ANKRD17: variants seen among roughly 807,000 people sequenced by gnomAD.
ANKRD17 encodes the protein ankyrin repeat domain-containing protein 17.
ANKRD17 carries 19 observed loss-of-function variants against 229.7 expected under a neutral mutation model. That is an observed-to-expected ratio of 0.08 (90% CI 0.06 to 0.12). ANKRD17 has a LOEUF of 0.12. ANKRD17 is among the 10% of genes least tolerant of loss of function. The pLI, the probability that ANKRD17 is intolerant of heterozygous loss-of-function variation, is 1.00. For missense variants in ANKRD17, 2,176 were observed against 3,176.8 expected (o/e 0.68, Z 7.57); for synonymous variants, 1,112 against 1,146.1 (o/e 0.97, Z 0.60).
intron 1 of ANKRD17, among the ~76,000 whole-genome samples, chr4:73,207,890 G>T (rs895839401): frequency 6.6e-6 from 1 of 151,970 alleles, no homozygotes; most frequent in African/African-American, 2.4e-5. Context: ...ATCAGTAAGG[G>T]TATTAAAAAA....
chr4:73,243,482 G>C (rs939086970), intron 1 of ANKRD17, among the ~76,000 whole-genome samples: 6 of 152,136 alleles, frequency 3.9e-5, no homozygotes, highest in African/African-American at 1.4e-4. Context: ...CTCCTACATA[G>C]GGTGGAGAAA....
chr4:73,212,797 C>T (rs1282941909), intron 1 of ANKRD17, among the ~76,000 whole-genome samples: 1 of 151,774 alleles, frequency 6.6e-6, no homozygotes, highest in Admixed American at 6.6e-5. Context: ...ACGGGGATCA[C>T]CTAAGATCAG....
At chr4:73,159,142 CTAAA>C (rs759504568) in intron 3 of ANKRD17, among the ~76,000 whole-genome samples, 1 of 152,188 alleles carries the variant, frequency 6.6e-6, no homozygotes, top group Non-Finnish European at 1.5e-5. Context: ...TCGACCAGTA[CTAAA>C]TAAATTTGTC....
At chr4:73,154,528 T>C (rs918720830) in intron 5 of ANKRD17, among the ~76,000 whole-genome samples, 1 of 152,150 alleles carries the variant, frequency 6.6e-6, no homozygotes, top group South Asian at 2.1e-4. Context: ...ATCATATACA[T>C]ACTTTATACT....
At chr4:73,224,513 G>A (rs536981090) in intron 1 of ANKRD17, among the ~76,000 whole-genome samples, 10 of 152,004 alleles carry the variant, frequency 6.6e-5, no homozygotes, top group African/African-American at 2.2e-4. Context: ...CCTACTACAC[G>A]GTTTCTGGTA....
At chr4:73,248,679 AATGT>A (rs1396936897) in intron 1 of ANKRD17, among the ~76,000 whole-genome samples, 1 of 152,064 alleles carries the variant, frequency 6.6e-6, no homozygotes, top group African/African-American at 2.4e-5. Context: ...GCTAAGTTTC[AATGT>A]ATGTAAGTTT....
At chr4:73,141,918 A>T in intron 13 of ANKRD17, 75 bp from the exon 14 acceptor site, 3 of 1,137,168 alleles carry the variant, frequency 2.6e-6, no homozygotes, top group Non-Finnish European at 3.7e-6. Flanking sequence ...ATAAAGAATA[A>T]ATTAGAGATT....
At chr4:73,171,869 T>G (rs1350914158) in intron 2 of ANKRD17, among the ~76,000 whole-genome samples, 1 of 151,734 alleles carries the variant, frequency 6.6e-6, no homozygotes, top group Non-Finnish European at 1.5e-5. Flanking sequence ...AATACACAGT[T>G]GAAGGAGACA....
At chr4:73,237,365 T>G (rs1743600362) in intron 1 of ANKRD17, among the ~76,000 whole-genome samples, 1 of 152,178 alleles carries the variant, frequency 6.6e-6, no homozygotes, top group Non-Finnish European at 1.5e-5. Context: ...CTAAAGTAGG[T>G]TAAGAACTCC....
intron 3 of ANKRD17, among the ~76,000 whole-genome samples, chr4:73,160,362 G>A (rs1732360564): frequency 6.6e-6 from 1 of 152,044 alleles, no homozygotes; most frequent in African/African-American, 2.4e-5. Flanking sequence ...GGGATTGCAG[G>A]CGTGCGCCAC....
intron 24 of ANKRD17, among the ~76,000 whole-genome samples, chr4:73,112,360 T>C (rs1725423956): frequency 6.6e-6 from 1 of 152,204 alleles, no homozygotes; most frequent in Admixed American, 6.5e-5. Context: ...CTGGCTCAAT[T>C]ATACTGCCTT....
chr4:73,170,949 T>C (rs1420111409), intron 2 of ANKRD17, among the ~76,000 whole-genome samples: 2 of 152,112 alleles, frequency 1.3e-5, no homozygotes, highest in African/African-American at 4.8e-5. Flanking sequence ...TAGGGGAACC[T>C]GCCATCCTGA....
intron 1 of ANKRD17, among the ~76,000 whole-genome samples, chr4:73,209,083 A>G (rs555150205): frequency 2.6e-5 from 4 of 151,960 alleles, no homozygotes; most frequent in Admixed American, 1.3e-4. Flanking sequence ...GTGCGTGCCT[A>G]TAATCCCAGC....
chr4:73,144,930 G>T, intron 10 of ANKRD17, 98 bp from the exon 11 acceptor site: 1 of 693,518 alleles, frequency 1.4e-6, no homozygotes, highest in Non-Finnish European at 2.2e-6. Flanking sequence ...ACTGATTTCT[G>T]AATCTAAATA....
chr4:73,243,259 A>G (rs539791315), intron 1 of ANKRD17, among the ~76,000 whole-genome samples: 46 of 152,360 alleles, frequency 3.0e-4, no homozygotes, highest in Non-Finnish European at 5.3e-4. Flanking sequence ...GAAATCAAAT[A>G]ACAATGACAT....
rs1723043119 is a variant in ANKRD17 at position 73,093,973 on chromosome 4, A to G, written c.5327+106T>C. On this transcript the variant is annotated intron_variant, in intron 28 of 33. Transcript: ENST00000358602. ...CACTAATAAAATTCCCATTTTAAAA[A>G]GTATACTATGTAACACAAAGTTCCA... 56 of 1,062,094 alleles carry G rather than the reference A, an allele frequency of 5.3e-5. No individual in the cohort carries two copies. The South Asian group carries it at 1.0e-3, about 20-fold the overall frequency. 65.8% of individuals were successfully genotyped at this position (1,062,094 alleles called of 1,614,324 possible).
At chr4:73,107,098 G>A (rs1288763835) in intron 24 of ANKRD17, among the ~76,000 whole-genome samples, 2 of 152,024 alleles carry the variant, frequency 1.3e-5, no homozygotes, top group Non-Finnish European at 2.9e-5. Flanking sequence ...AAAAGGTGAT[G>A]GTAGTGATGA....
chr4:73,085,252 T>C lies in ANKRD17; in HGVS notation c.7156A>G (p.Asn2386Asp). The C allele has an allele frequency of 6.2e-7, 1 of 1,614,056 alleles. No homozygotes were observed. The highest frequency in any genetic ancestry group is 8.5e-7 in the Non-Finnish European group (1 of 1,179,940). Residue 2386 changes from asparagine (N) to aspartate (D), a missense_variant, in exon 30 of 34, where the codon AAT (asparagine) becomes GAT (aspartate). Asn to Asp is a conservative substitution (Grantham distance 23). Coordinates refer to ENST00000358602, the MANE Select transcript of ANKRD17 (RefSeq NM_032217.5). The part of the protein sequence containing the change: ...SLLTPCSSAS[N>D]DSSAQSVSSG... Reference sequence around the variant, plus strand: ...AATTACGGTGTATAAAACTCACCATTTGATGCTGATGAACACGGAGTCAAC... The same window carrying C: ...AATTACGGTGTATAAAACTCACCATCTGATGCTGATGAACACGGAGTCAAC...
intron 16 of ANKRD17, 83 bp downstream of exon 16, chr4:73,135,034 T>C: frequency 7.3e-7 from 1 of 1,371,368 alleles, no homozygotes; most frequent in Non-Finnish European, 9.9e-7. Context: ...CAGTCTTTCA[T>C]GGTTTAAATC....
Sources: gnomAD v4.1 joint callset for allele counts (sites outside exome capture counted in the v4.1 genomes callset) on GRCh38, gnomAD v4.1.1 for gene constraint, MANE v1.5 for transcripts, NCBI Gene and HGNC (gene_info 2026-07-23, HGNC 2026-07-21) for gene names.